The following IGSF21 variants were observed in gnomAD, a reference collection of about 807,000 sequenced individuals.
The protein encoded by IGSF21 is immunoglobin superfamily member 21.
A neutral mutation model predicts 46.8 loss-of-function variants in IGSF21; 28 were observed. The ratio of observed to expected loss-of-function variants is 0.60; its 90% CI spans 0.44 to 0.82. IGSF21 has a LOEUF of 0.82. Ranked by LOEUF, IGSF21 falls within the 40% of genes least tolerant of loss-of-function variation. The pLI is 0.00. For missense variants in IGSF21, 624 were observed against 665.5 expected (o/e 0.94, Z 0.69); for synonymous variants, 284 against 273.6 (o/e 1.04, Z -0.38).
At chr1:18,256,082 A>G (rs1443230474) in intron 2 of IGSF21, among the ~76,000 whole-genome samples, 4 of 152,000 alleles carry the variant, frequency 2.6e-5, no homozygotes, top group Admixed American at 2.6e-4. Context: ...CATCAGCCCC[A>G]ACCCAGGCCC....
chr1:18,278,244 A>T (rs920150489), intron 2 of IGSF21, among the ~76,000 whole-genome samples: 16 of 133,222 alleles, frequency 1.2e-4, no homozygotes, highest in Non-Finnish European at 1.6e-4. Context: ...TTATTTATTT[A>T]TTTATTTTAT....
chr1:18,176,215 C>A (rs1264475771), intron 1 of IGSF21: 1 of 152,232 alleles, frequency 6.6e-6, no homozygotes, highest in African/African-American at 2.4e-5. Context: ...GGCAGTGTCA[C>A]ATGGTTGAGC....
At chr1:18,154,278 G>A (rs1339172241) in intron 1 of IGSF21, among the ~76,000 whole-genome samples, 1 of 152,086 alleles carries the variant, frequency 6.6e-6, no homozygotes, top group East Asian at 1.9e-4. Context: ...TTTGATTTGA[G>A]TGCTTTTCTC....
At chr1:18,320,314 G>A (rs533549927) in intron 3 of IGSF21, among the ~76,000 whole-genome samples, 8 of 150,852 alleles carry the variant, frequency 5.3e-5, no homozygotes, top group South Asian at 2.1e-4. Context: ...GACCTTCCCC[G>A]CCTTCAGCAC....
chr1:18,234,180 G>C (rs1470394150), intron 2 of IGSF21, among the ~76,000 whole-genome samples: 1 of 152,112 alleles, frequency 6.6e-6, no homozygotes, highest in Non-Finnish European at 1.5e-5. Flanking sequence ...CTTGAGTTCA[G>C]ATCTTACAGA....
chr1:18,175,630 G>C (rs1213755666), intron 1 of IGSF21, among the ~76,000 whole-genome samples: 1 of 152,104 alleles, frequency 6.6e-6, no homozygotes, highest in Non-Finnish European at 1.5e-5. Context: ...CCCTTCCTCT[G>C]TCCAGTCCCT....
intron 6 of IGSF21, among the ~76,000 whole-genome samples, chr1:18,367,623 T>TC (rs2086180687): frequency 6.9e-6 from 1 of 144,398 alleles, no homozygotes; most frequent in African/African-American, 2.6e-5. Context: ...TTTTTTTTTT[T>TC]TTGACAGAGT....
rs200305863 is a variant in IGSF21 at position 18,365,560 on chromosome 1, C to T, written c.878C>T (p.Pro293Leu). The part of the protein sequence containing the change: ...PTYFLRHSRT[P>L]SSDGTVEVRA... ...TACTTCCTGCGCCACAGCCGCACCC[C>T]GAGCAGTGACGGCACTGTGGAAGTA... Residue 293 changes from proline to leucine, a missense_variant, in exon 6 of 10, where the codon CCG becomes CTG. Physicochemically the swap from Pro to Leu is moderately conservative, Grantham distance 98. Transcript: ENST00000251296. The surrounding 1 kb of genome is among the most constrained non-coding windows in gnomAD (Gnocchi z 4.8). The T allele has an allele frequency of 8.1e-6, 13 of 1,614,178 alleles. No homozygotes were observed. The Admixed American group carries it at 8.3e-5, about 10-fold the overall frequency.
In IGSF21 at chr1:18,355,646, TG is replaced by T. The variant is rs572652295; in HGVS notation, c.425-6464del. On this transcript the variant is annotated intron_variant, in intron 4 of 9. Coordinates refer to ENST00000251296, the MANE Select transcript of IGSF21 (RefSeq NM_032880.5). The stretch of plus-strand genomic sequence containing the variant: ...AAACTAGAAAGTCAACTGGTTTGAT[TG>T]GGGGTAGGGGCAGAGATCAGTGGAT... Among the ~76,000 whole-genome samples, 203 of 151,960 alleles carry T rather than the reference TG, an allele frequency of 1.3e-3. 1 individual carries two copies. The highest frequency in any genetic ancestry group is 4.6e-3 in the African/African-American group (190 of 41,456).
chr1:18,238,913 A>G (rs960984936), intron 2 of IGSF21, among the ~76,000 whole-genome samples: 1 of 152,142 alleles, frequency 6.6e-6, no homozygotes, highest in Non-Finnish European at 1.5e-5. Flanking sequence ...GTCTCTAAGG[A>G]ATATGCAGCC....
chr1:18,308,448 C>T (rs1438647751), intron 3 of IGSF21, among the ~76,000 whole-genome samples: 1 of 152,066 alleles, frequency 6.6e-6, no homozygotes, highest in Admixed American at 6.6e-5. Flanking sequence ...AGCCCCTCCA[C>T]ACACACACAC....
chr1:18,280,116 G>C (rs1454372025), intron 2 of IGSF21, among the ~76,000 whole-genome samples: 2 of 152,192 alleles, frequency 1.3e-5, no homozygotes, highest in Non-Finnish European at 1.5e-5. Context: ...CACGGGGACT[G>C]AGTGCTGAGC....
At chr1:18,211,940 GACTGC>G (rs2084396768) in intron 1 of IGSF21, among the ~76,000 whole-genome samples, 1 of 152,246 alleles carries the variant, frequency 6.6e-6, no homozygotes. Flanking sequence ...AGCCACTGGT[GACTGC>G]CCAGCCTCCA....
intron 1 of IGSF21, among the ~76,000 whole-genome samples, chr1:18,141,532 G>A (rs1570261891): frequency 6.6e-6 from 1 of 152,090 alleles, no homozygotes; most frequent in Non-Finnish European, 1.5e-5. Flanking sequence ...CAGAGGACAG[G>A]GAGGATGCTG....
At chr1:18,318,021 G>A (rs1332796108) in intron 3 of IGSF21, among the ~76,000 whole-genome samples, 1 of 152,190 alleles carries the variant, frequency 6.6e-6, no homozygotes, top group African/African-American at 2.4e-5. Flanking sequence ...ATTCATGCAG[G>A]CCCTAGCAGT....
chr1:18,344,537 T>C, intron 4 of IGSF21, among the ~76,000 whole-genome samples: 1 of 151,978 alleles, frequency 6.6e-6, no homozygotes, highest in African/African-American at 2.4e-5. Flanking sequence ...TCTGCTTCTC[T>C]GGGGGACAGC....
chr1:18,365,802 G>A lies in IGSF21; in HGVS notation c.1015+105G>A. 1.1e-6 allele frequency: 1 copy of A among 937,546 alleles called. No individual in the cohort carries two copies. Among genetic ancestry groups the A allele is most frequent in the Non-Finnish European group, 1.6e-6 (1 of 629,248 alleles). The allele number at this position is 937,546 out of a possible 1,614,324, so 58.1% of individuals were successfully genotyped here. On this transcript the variant is annotated intron_variant, in intron 6 of 9. Coordinates refer to ENST00000251296, the MANE Select transcript of IGSF21 (RefSeq NM_032880.5). The surrounding 1 kb of genome is among the most constrained non-coding windows in gnomAD (Gnocchi z 4.8). The stretch of plus-strand genomic sequence containing the variant: ...TGAGGACAGCCATGGAAAGGGGGAG[G>A]AGATGGAGCAAACTGGAGTCAGGAT...
chr1:18,122,282 C>T lies in IGSF21; in HGVS notation c.70+14084C>T, dbSNP rs1386464608. 2.1e-5 allele frequency among the ~76,000 whole-genome samples: 3 copies of T among 145,250 alleles called. No individual in the cohort carries two copies. In the East Asian group the frequency reaches 6.7e-4, roughly 32 times the overall value. ...TGGTGCAATCTCGGCTCACTGCAAC[C>T]TCCGCCCCCAGGGTTCTCATGCCTC... On this transcript the variant is annotated intron_variant, in intron 1 of 9. Transcript: ENST00000251296.
chr1:18,162,136 C>T (rs2086631910), intron 1 of IGSF21, among the ~76,000 whole-genome samples: 1 of 152,150 alleles, frequency 6.6e-6, no homozygotes, highest in South Asian at 2.1e-4. Context: ...GCCTCAACTT[C>T]CCAGGCTAGG....
Sources: allele counts gnomAD v4.1 joint callset (sites outside exome capture counted in the v4.1 genomes callset), GRCh38; gene constraint gnomAD v4.1.1; non-coding constraint Gnocchi (gnomAD v3.1); transcripts MANE v1.5; gene names NCBI Gene and HGNC (gene_info 2026-07-23, HGNC 2026-07-21).